Variants in MYO1H observed in about 807,000 individuals in gnomAD.
The protein encoded by MYO1H is unconventional myosin-Ih.
In MYO1H, 118 loss-of-function variants were observed where a neutral mutation model predicts 149.3. That is an observed-to-expected ratio of 0.79 (90% CI 0.68 to 0.92). The LOEUF (loss-of-function observed/expected upper bound fraction) is 0.92, where lower values mean the gene tolerates loss of function less well. MYO1H is among the 40% of genes least tolerant of loss of function. The pLI, the probability that MYO1H is intolerant of heterozygous loss-of-function variation, is 0.00. For missense variants in MYO1H, 1,212 were observed against 1,280.7 expected (o/e 0.95, Z 0.82); for synonymous variants, 447 against 465.2 (o/e 0.96, Z 0.50).
chr12:109,426,146 G>C (rs1161186675), intron 18 of MYO1H, 95 bp downstream of exon 18: 9 of 809,630 alleles, frequency 1.1e-5, no homozygotes, highest in Non-Finnish European at 1.9e-5. Context: ...ACCACCACAA[G>C]CTTGCTCGAT....
chr12:109,405,586 A>C lies in MYO1H; in HGVS notation c.850-336A>C, dbSNP rs139335647. On this transcript the variant is annotated intron_variant, in intron 7 of 31. Coordinates refer to ENST00000310903, the Ensembl canonical transcript of MYO1H. Reference sequence around the variant, plus strand: ...CGGCCTCCCAAAGTGCTGGGATTACAGGCGTGAGCCACCGCGCCCGGCCAT... The same window carrying C: ...CGGCCTCCCAAAGTGCTGGGATTACCGGCGTGAGCCACCGCGCCCGGCCAT... 2.6e-3 allele frequency among the ~76,000 whole-genome samples: 402 copies of C among 152,372 alleles called. 1 individual carries two copies. The highest frequency in any genetic ancestry group is 4.8e-3 in the Non-Finnish European group (324 of 68,030).
the MYO1H span, among the ~76,000 whole-genome samples, chr12:109,336,436 T>C: frequency 3.5e-4 from 53 of 152,296 alleles, no homozygotes; most frequent in Middle Eastern, 3.4e-3. Context: ...AGACTGCACT[T>C]CTGAAAACAC....
chr12:109,418,700 C>CCAT (rs1592807102), intron 15 of MYO1H, among the ~76,000 whole-genome samples: 1 of 152,086 alleles, frequency 6.6e-6, no homozygotes, highest in Non-Finnish European at 1.5e-5. Context: ...AGGCACCCCA[C>CCAT]GCCCGGCTAG....
chr12:109,388,778 C>G, exon 2 of MYO1H: 1 of 1,613,136 alleles, frequency 6.2e-7, no homozygotes, highest in Non-Finnish European at 8.5e-7. Flanking sequence ...TGCTATTGGA[C>G]GCGTACACCA....
At chr12:109,357,979 C>A (rs1445664783) in intron 1 of MYO1H, among the ~76,000 whole-genome samples, 2 of 152,090 alleles carry the variant, frequency 1.3e-5, no homozygotes, top group African/African-American at 4.8e-5. Context: ...GGACTGGGGC[C>A]ATGGGCCATC....
chr12:109,312,645 G>A, the MYO1H span, among the ~76,000 whole-genome samples: 45 of 152,266 alleles, frequency 3.0e-4, 1 homozygote, highest in South Asian at 9.1e-3. Context: ...GGAGGAAAAG[G>A]GAGTGAGGTC....
intron 1 of MYO1H, among the ~76,000 whole-genome samples, chr12:109,364,818 A>G (rs16940148): frequency 0.064 from 9,751 of 152,212 alleles, 1,012 homozygotes; most frequent in African/African-American, 0.22. Flanking sequence ...AAAATTTACA[A>G]TGCTACCTCC....
the MYO1H span, among the ~76,000 whole-genome samples, chr12:109,322,819 C>CAAA: frequency 1.1e-3 from 84 of 77,082 alleles, no homozygotes; most frequent in African/African-American, 4.0e-3. Flanking sequence ...GACTCCGTCT[C>CAAA]AAAAAAAAAA....
chr12:109,403,247 T>C lies in MYO1H; in HGVS notation c.751-735T>C, dbSNP rs931677923. ...ACAACGTGCAGGTTAGTTACATATG[T>C]AAAAAAAAATTTTTATATCGGTCAC... is the stretch of plus-strand genomic sequence containing the variant. On this transcript the variant is annotated intron_variant, in intron 6 of 31. Coordinates refer to ENST00000310903, the Ensembl canonical transcript of MYO1H. Among the ~76,000 whole-genome samples, 67 of 151,958 alleles carry C rather than the reference T, an allele frequency of 4.4e-4. 1 individual carries two copies. The highest frequency in any genetic ancestry group is 2.9e-3 in the Admixed American group (44 of 15,248).
upstream of MYO1H, among the ~76,000 whole-genome samples, chr12:109,347,254 T>C (rs752510538): frequency 3.3e-5 from 5 of 152,146 alleles, no homozygotes; most frequent in African/African-American, 1.2e-4. Context: ...AGAACAAGAA[T>C]AGAACTTTAT....
chr12:109,416,334 T>C (rs776290381), intron 15 of MYO1H, among the ~76,000 whole-genome samples: 18 of 151,750 alleles, frequency 1.2e-4, no homozygotes, highest in Non-Finnish European at 2.5e-4. Flanking sequence ...TCAAGGCAAC[T>C]AGCTGATCTA....
At chr12:109,434,585 C>T (rs993914258) in intron 20 of MYO1H, among the ~76,000 whole-genome samples, 4 of 152,198 alleles carry the variant, frequency 2.6e-5, no homozygotes, top group South Asian at 2.1e-4. Context: ...CTTCAGGTTA[C>T]GTTGGTTTAT....
chr12:109,382,647 T>C (rs903337926), intron 1 of MYO1H, among the ~76,000 whole-genome samples: 6 of 151,992 alleles, frequency 3.9e-5, no homozygotes, highest in Non-Finnish European at 5.9e-5. Flanking sequence ...GTTTTAGAGA[T>C]ACCTACTAAA....
chr12:109,355,700 G>C (rs1254588788), intron 1 of MYO1H, among the ~76,000 whole-genome samples: 2 of 150,960 alleles, frequency 1.3e-5, no homozygotes, highest in Non-Finnish European at 3.0e-5. Flanking sequence ...TGTTTGGTTT[G>C]GTTTTTCTTT....
chr12:109,425,929 T>C lies in MYO1H; in HGVS notation c.1726-17T>C, dbSNP rs1364459579. On this transcript the variant is annotated splice_polypyrimidine_tract_variant and intron_variant, in intron 17 of 31. Transcript: ENST00000310903. ...CTCTCTGGCTCGTTCTCTCTCTCTT[T>C]CTCTCTCTCTCTGCAGGTGGGGACT... is the stretch of plus-strand genomic sequence containing the variant. The C allele has an allele frequency of 1.5e-6, 2 of 1,343,090 alleles. No individual in the cohort carries two copies. Among genetic ancestry groups the C allele is most frequent in the African/African-American group, 2.9e-5 (2 of 69,334 alleles). 83.2% of individuals were successfully genotyped at this position (1,343,090 alleles called of 1,614,324 possible). A position where few individuals can be genotyped will look rare whatever the true frequency, so the allele number is the denominator to read the frequency against.
At chr12:109,360,880 A>C (rs1309847431) in intron 1 of MYO1H, among the ~76,000 whole-genome samples, 1 of 152,184 alleles carries the variant, frequency 6.6e-6, no homozygotes, top group African/African-American at 2.4e-5. Flanking sequence ...AATAATCTAC[A>C]CTTTTTGAAG....
At chr12:109,384,107 G>A (rs1869259052) in intron 1 of MYO1H, among the ~76,000 whole-genome samples, 1 of 152,176 alleles carries the variant, frequency 6.6e-6, no homozygotes, top group East Asian at 1.9e-4. Flanking sequence ...TGGCAACACA[G>A]GCCCTATATT....
At chr12:109,412,939 C>T (rs1470797795) in intron 14 of MYO1H, among the ~76,000 whole-genome samples, 1 of 146,724 alleles carries the variant, frequency 6.8e-6, no homozygotes, top group African/African-American at 2.6e-5. Flanking sequence ...GCACTTGCCA[C>T]TACGCCCGGC....
chr12:109,354,725 T>C (rs1255816273), intron 1 of MYO1H, among the ~76,000 whole-genome samples: 1 of 152,204 alleles, frequency 6.6e-6, no homozygotes, highest in Non-Finnish European at 1.5e-5. Flanking sequence ...GAATGAATGT[T>C]TCCAGTAAAC....
Sources: allele counts gnomAD v4.1 joint callset (sites outside exome capture counted in the v4.1 genomes callset), GRCh38; gene constraint gnomAD v4.1.1; transcripts MANE v1.5; gene names NCBI Gene and HGNC (gene_info 2026-07-23, HGNC 2026-07-21).